TAB2: variants seen among roughly 807,000 people sequenced by gnomAD.
TAB2 encodes TGF-beta-activated kinase 1 and MAP3K7-binding protein 2.
A neutral mutation model predicts 65.0 loss-of-function variants in TAB2; 3 were observed. That is an observed-to-expected ratio of 0.05 (90% CI 0.02 to 0.12). The LOEUF (loss-of-function observed/expected upper bound fraction) is 0.12. Ranked by LOEUF, TAB2 falls within the 10% of genes least tolerant of loss-of-function variation. TAB2 has a pLI of 1.00. For missense variants in TAB2, 623 were observed against 840.3 expected (o/e 0.74, Z 3.20); for synonymous variants, 298 against 285.1 (o/e 1.05, Z -0.46).
chr6:149,349,658 G>C (rs73779312), intron 1 of TAB2, among the ~76,000 whole-genome samples: 3 of 151,984 alleles, frequency 2.0e-5, no homozygotes, highest in African/African-American at 7.3e-5. Flanking sequence ...TGTTCAAATT[G>C]TTCTCTCATA....
intron 1 of TAB2, among the ~76,000 whole-genome samples, chr6:149,297,532 C>T (rs47546): frequency 0.4 from 61,355 of 151,844 alleles, 14,025 homozygotes; most frequent in African/African-American, 0.64. Flanking sequence ...GCACACTTTT[C>T]TTTCTCTTTT....
chr6:149,270,648 T>C (rs1258764122), intron 1 of TAB2, among the ~76,000 whole-genome samples: 1 of 152,164 alleles, frequency 6.6e-6, no homozygotes, highest in African/African-American at 2.4e-5. Context: ...ACTTGTCAAT[T>C]TAAAAAGTAA....
At chr6:149,257,455 CT>C (rs1778060874) in intron 1 of TAB2, 1 of 152,062 alleles carries the variant, frequency 6.6e-6, no homozygotes. Context: ...ATCCATGTTT[CT>C]TTAAAATGAC....
intron 1 of TAB2, among the ~76,000 whole-genome samples, chr6:149,224,391 C>A (rs944587103): frequency 1.3e-5 from 2 of 152,164 alleles, no homozygotes; most frequent in African/African-American, 4.8e-5. Flanking sequence ...ACTCCAAAAA[C>A]TTTTTCCTGG....
chr6:149,296,164 G>T (rs543902161), intron 1 of TAB2, among the ~76,000 whole-genome samples: 3 of 152,192 alleles, frequency 2.0e-5, no homozygotes, highest in Non-Finnish European at 4.4e-5. Context: ...CTCAAGAAAG[G>T]ATCTGTGCTT....
In TAB2 at chr6:149,219,814, C is replaced by T. The variant is rs143465560; in HGVS notation, c.-121+1038C>T. Among the ~76,000 whole-genome samples the T allele has an allele frequency of 2.0e-3, 302 of 152,194 alleles. 1 individual carries two copies. Among genetic ancestry groups the T allele is most frequent in the African/African-American group, 7.0e-3 (292 of 41,522 alleles). ...TGTGTTTCTGATAGACCTGAAAGTCCCAAGAGACCCTTACCGTACTCTGTA... is the reference window on the plus strand; with the variant it reads ...TGTGTTTCTGATAGACCTGAAAGTCTCAAGAGACCCTTACCGTACTCTGTA... On this transcript the variant is annotated intron_variant, in intron 1 of 1. Transcript: ENST00000606202.
At chr6:149,373,420 C>A (rs922654746) in intron 2 of TAB2, among the ~76,000 whole-genome samples, 6 of 152,314 alleles carry the variant, frequency 3.9e-5, no homozygotes, top group African/African-American at 1.4e-4. Context: ...ATGACCTTCA[C>A]CCATTGTCCT....
chr6:149,230,794 G>T (rs1777388676), intron 1 of TAB2, among the ~76,000 whole-genome samples: 1 of 152,216 alleles, frequency 6.6e-6, no homozygotes, highest in South Asian at 2.1e-4. Flanking sequence ...TTTCATTCTA[G>T]CTATTGGACC....
chr6:149,383,130 G>T (rs751610443), intron 3 of TAB2, among the ~76,000 whole-genome samples: 2 of 151,870 alleles, frequency 1.3e-5, no homozygotes, highest in Non-Finnish European at 2.9e-5. Context: ...ACTTCAGCCT[G>T]GCAACAGAGT....
rs551478117 is a variant in TAB2, at chr6:149,324,626, C to T, written c.-90+6611C>T. ...AGGGCAGTTCAGGGGAGTGACTTTC[C>T]ATTCCTCATCAATGAGAGAAAAATA... On this transcript the variant is annotated intron_variant, in intron 1 of 6. Transcript: ENST00000637181. 1.2e-4 allele frequency among the ~76,000 whole-genome samples: 18 copies of T among 152,180 alleles called. No individual in the cohort carries two copies. In the East Asian group the frequency reaches 3.1e-3, roughly 26 times the overall value.
At chr6:149,290,900 AT>A (rs1352144011) in intron 1 of TAB2, among the ~76,000 whole-genome samples, 1 of 152,254 alleles carries the variant, frequency 6.6e-6, no homozygotes, top group African/African-American at 2.4e-5. Context: ...TAGAGGCTAA[AT>A]AACTGGCTGT....
At chr6:149,373,515 G>A (rs902179712) in intron 2 of TAB2, among the ~76,000 whole-genome samples, 9 of 151,826 alleles carry the variant, frequency 5.9e-5, no homozygotes, top group African/African-American at 1.2e-4. Context: ...AGATTCTTGC[G>A]ATCAGCGATC....
chr6:149,310,871 C>T (rs940775319), intron 1 of TAB2, among the ~76,000 whole-genome samples: 1 of 152,156 alleles, frequency 6.6e-6, no homozygotes, highest in Admixed American at 6.5e-5. Context: ...CTCCCTCACC[C>T]CCTATTTTCC....
upstream of TAB2, among the ~76,000 whole-genome samples, chr6:149,314,692 A>T (rs1465725841): frequency 2.0e-5 from 3 of 152,214 alleles, no homozygotes; most frequent in Non-Finnish European, 4.4e-5. Context: ...GTTCCATAGA[A>T]CAGATGGAAC....
At chr6:149,322,944 A>G (rs1382230385) in intron 1 of TAB2, among the ~76,000 whole-genome samples, 4 of 152,160 alleles carry the variant, frequency 2.6e-5, no homozygotes, top group Non-Finnish European at 4.4e-5. Flanking sequence ...AAGTTGCAAT[A>G]CTTATTTTCA....
At chr6:149,310,334 CAAAACA>C (rs1269383151) in intron 1 of TAB2, among the ~76,000 whole-genome samples, 1 of 151,866 alleles carries the variant, frequency 6.6e-6, no homozygotes, top group Admixed American at 6.6e-5. Flanking sequence ...GACCCCATCT[CAAAACA>C]AAAACAAAAA....
At position 149,340,325 on chromosome 6, in the gene TAB2, G is replaced by A. The variant is rs140129916; in HGVS notation, c.-90+22310G>A. Among the ~76,000 whole-genome samples, 1,168 of 152,184 alleles carry A rather than the reference G, an allele frequency of 7.7e-3. 14 individuals are homozygous for A. The highest frequency in any genetic ancestry group is 0.026 in the African/African-American group (1,096 of 41,516). ...GAAACTAGAATGCAGAGTGTTGACC[G>A]GAAAAGAAGTTTTCAGAAAGAAAAT... On this transcript the variant is annotated intron_variant, in intron 1 of 6. Coordinates refer to ENST00000637181, the MANE Select transcript of TAB2 (RefSeq NM_001292034.3).
intron 1 of TAB2, among the ~76,000 whole-genome samples, chr6:149,339,582 C>G (rs1270177997): frequency 3.0e-5 from 1 of 32,918 alleles, no homozygotes; most frequent in Non-Finnish European, 7.0e-5. Context: ...AATAATTAAT[C>G]TTTTTTATTT....
intron 1 of TAB2, among the ~76,000 whole-genome samples, chr6:149,285,799 A>G (rs1778666298): frequency 2.0e-5 from 3 of 152,194 alleles, no homozygotes; most frequent in African/African-American, 7.2e-5. Flanking sequence ...GGCATGCATC[A>G]GAAGCACCTG....
Sources: allele counts gnomAD v4.1 joint callset (sites outside exome capture counted in the v4.1 genomes callset), GRCh38; gene constraint gnomAD v4.1.1; transcripts MANE v1.5; gene names NCBI Gene and HGNC (gene_info 2026-07-23, HGNC 2026-07-21).